RELN: variants seen among roughly 807,000 people sequenced by gnomAD.
The protein encoded by RELN is reelin.
A neutral mutation model predicts 427.6 loss-of-function variants in RELN; 108 were observed. The ratio of observed to expected loss-of-function variants is 0.25; its 90% CI spans 0.22 to 0.30. The LOEUF is 0.30. Among genes scored for constraint, RELN ranks in the 10% least tolerant of loss-of-function variants. The pLI, the probability that RELN is intolerant of heterozygous loss-of-function variation, is 1.00. For missense variants in RELN, 3,715 were observed against 4,302.8 expected, an observed-to-expected ratio of 0.86 and a Z score of 3.82; for synonymous variants, 1,524 against 1,513.4, an observed-to-expected ratio of 1.01 and a Z score of -0.16.
intron 11 of RELN, among the ~76,000 whole-genome samples, chr7:103,666,674 G>A (rs888975821): frequency 5.3e-5 from 8 of 152,098 alleles, no homozygotes; most frequent in African/African-American, 1.2e-4. Context: ...CTGCATTTGC[G>A]TTTGTGAGCA....
chr7:103,665,230 C>A (rs995564092), intron 11 of RELN, among the ~76,000 whole-genome samples: 2 of 152,000 alleles, frequency 1.3e-5, no homozygotes, highest in Non-Finnish European at 1.5e-5. Context: ...ACATAACAAT[C>A]CCCTATAAAC....
intron 12 of RELN, among the ~76,000 whole-genome samples, chr7:103,655,664 C>T (rs1279012735): frequency 1.3e-5 from 2 of 151,986 alleles, no homozygotes; most frequent in African/African-American, 2.4e-5. Flanking sequence ...GTACAATAAA[C>T]TTCATGAACA....
intron 2 of RELN, among the ~76,000 whole-genome samples, chr7:103,838,218 A>G: frequency 6.7e-6 from 1 of 150,012 alleles, no homozygotes; most frequent in East Asian, 1.9e-4. Flanking sequence ...CAAAAAAAAA[A>G]AAAAAAAAAA....
At chr7:103,502,147 T>G (rs1355734793) in intron 52 of RELN, among the ~76,000 whole-genome samples, 1 of 152,188 alleles carries the variant, frequency 6.6e-6, no homozygotes, top group Non-Finnish European at 1.5e-5. Context: ...TATAACAAAT[T>G]TCGAGCTGGT....
At chr7:103,949,022 C>CA (rs66678362) in intron 1 of RELN, among the ~76,000 whole-genome samples, 2,182 of 87,732 alleles carry the variant, frequency 0.025, 24 homozygotes, top group East Asian at 0.059. Flanking sequence ...ACATTGTCTC[C>CA]AAAAAAAAAA....
intron 1 of RELN, among the ~76,000 whole-genome samples, chr7:103,950,679 A>G (rs1796313641): frequency 6.6e-6 from 1 of 152,176 alleles, no homozygotes; most frequent in South Asian, 2.1e-4. Flanking sequence ...GAAAATTCTA[A>G]ATCTTTTAGA....
chr7:103,524,171 T>C lies in RELN; in HGVS notation c.7350-640A>G, dbSNP rs549166077. 5.3e-5 allele frequency among the ~76,000 whole-genome samples: 8 copies of C among 152,210 alleles called. No individual in the cohort carries two copies. The East Asian group carries it at 1.4e-3, about 26-fold the overall frequency. ...TGAGCCTTGGATTTCGTGTGGGAAG[T>C]ACCATGGAATGACACCAGAGCTGCT... On this transcript the variant is annotated intron_variant, in intron 46 of 64. Coordinates refer to ENST00000428762, the MANE Select transcript of RELN (RefSeq NM_005045.4).
At chr7:103,724,184 G>C (rs761029309) in intron 7 of RELN, among the ~76,000 whole-genome samples, 1 of 150,618 alleles carries the variant, frequency 6.6e-6, no homozygotes, top group African/African-American at 2.4e-5. Flanking sequence ...TTTTTTTTTC[G>C]TTGTTTTGTT....
intron 3 of RELN, among the ~76,000 whole-genome samples, chr7:103,807,704 A>G (rs906932215): frequency 6.6e-5 from 10 of 152,068 alleles, no homozygotes; most frequent in African/African-American, 9.7e-5. Flanking sequence ...GTAAGTGACA[A>G]CATGTGGTGT....
At chr7:103,516,337 G>C (rs552844082) in intron 49 of RELN, among the ~76,000 whole-genome samples, 2 of 149,202 alleles carry the variant, frequency 1.3e-5, no homozygotes, top group African/African-American at 5.0e-5. Context: ...CCACGCTGGA[G>C]TACAGTGGTA....
chr7:103,848,601 T>A (rs1207376555), intron 2 of RELN, among the ~76,000 whole-genome samples: 1 of 152,156 alleles, frequency 6.6e-6, no homozygotes, highest in East Asian at 1.9e-4. Context: ...CACATTGCAC[T>A]CTTCAATATC....
At chr7:103,711,225 T>G (rs1254066489) in intron 8 of RELN, among the ~76,000 whole-genome samples, 2 of 152,174 alleles carry the variant, frequency 1.3e-5, no homozygotes, top group Non-Finnish European at 2.9e-5. Flanking sequence ...TCTTTTTGCA[T>G]TCTAAATAAA....
chr7:103,803,699 A>G (rs557337831), intron 3 of RELN, among the ~76,000 whole-genome samples: 9 of 152,096 alleles, frequency 5.9e-5, no homozygotes, highest in Non-Finnish European at 1.3e-4. Context: ...ACAGTTTTTC[A>G]GGCACTCCTG....
intron 10 of RELN, among the ~76,000 whole-genome samples, chr7:103,685,017 CT>C (rs1833734605): frequency 6.6e-6 from 1 of 152,148 alleles, no homozygotes; most frequent in South Asian, 2.1e-4. Context: ...ATTCATTCAT[CT>C]TCAGGGCAGA....
chr7:103,666,930 A>G (rs1005319787), intron 11 of RELN, among the ~76,000 whole-genome samples: 1 of 152,148 alleles, frequency 6.6e-6, no homozygotes, highest in African/African-American at 2.4e-5. Context: ...TCATCTGCCA[A>G]AGATCCTGTG....
In RELN at chr7:103,575,444, G is replaced by A. The variant is rs188975599; in HGVS notation, c.4303+104C>T. On this transcript the variant is annotated intron_variant, in intron 29 of 64. Transcript: ENST00000428762. Reference sequence around the variant, plus strand: ...TTCCTACAATTCCTAGACTTAAAGAGGAATAAATTCAGAATTTATTTCTTT... The same window carrying A: ...TTCCTACAATTCCTAGACTTAAAGAAGAATAAATTCAGAATTTATTTCTTT... 3,504 of 1,289,302 alleles carry A rather than the reference G, an allele frequency of 2.7e-3. 12 individuals carry two copies. Among genetic ancestry groups the A allele is most frequent in the Middle Eastern group, 7.5e-3 (37 of 4,920 alleles). The allele number at this position is 1,289,302 out of a possible 1,614,324, so 79.9% of individuals were successfully genotyped here.
At position 103,604,408 on chromosome 7, in the gene RELN, G is replaced by A; in HGVS notation, c.3084C>T (p.Tyr1028=). ...AQDEWALDSI[Y]IGQQCPNMCS... is the part of the protein sequence containing the mutation. Reference sequence around the variant, plus strand: ...ACATGTTGGGGCACTGCTGCCCAATGTAAATGCTGTCCAAAGCCCACTCGT... The same window carrying A: ...ACATGTTGGGGCACTGCTGCCCAATATAAATGCTGTCCAAAGCCCACTCGT... Residue 1028 remains tyrosine (Y), a synonymous_variant, in exon 23 of 65, where the codon TAC becomes TAT. Transcript: ENST00000428762. 3 of 1,613,958 alleles carry A rather than the reference G, an allele frequency of 1.9e-6. No individual in the cohort carries two copies. The highest frequency in any genetic ancestry group is 2.5e-6 in the Non-Finnish European group (3 of 1,179,878).
At chr7:103,961,132 AC>A (rs1326512229) in intron 1 of RELN, among the ~76,000 whole-genome samples, 1 of 152,246 alleles carries the variant, frequency 6.6e-6, no homozygotes, top group Non-Finnish European at 1.5e-5. Context: ...TGTTATAGGT[AC>A]CTGTATTCTT....
At chr7:103,937,680 C>G (rs1584383949) in intron 1 of RELN, among the ~76,000 whole-genome samples, 1 of 152,308 alleles carries the variant, frequency 6.6e-6, no homozygotes, top group African/African-American at 2.4e-5. Context: ...ACAGAATATT[C>G]TGGAAAATTT....
Sources: allele counts gnomAD v4.1 joint callset (sites outside exome capture counted in the v4.1 genomes callset), GRCh38; gene constraint gnomAD v4.1.1; transcripts MANE v1.5; gene names NCBI Gene and HGNC (gene_info 2026-07-23, HGNC 2026-07-21).